The following CLSTN2 variants were observed in gnomAD, a reference collection of about 807,000 sequenced individuals.
The protein encoded by CLSTN2 is calsyntenin-2.
Under a neutral mutation model 101.2 loss-of-function variants are expected in CLSTN2, and 48 were observed. The ratio of observed to expected loss-of-function variants is 0.47; its 90% CI spans 0.38 to 0.60. CLSTN2 has a LOEUF of 0.60. Ranked by LOEUF, CLSTN2 falls within the 20% of genes least tolerant of loss-of-function variation. The pLI is 0.00. For synonymous variants in CLSTN2, 481 were observed against 463.6 expected, an observed-to-expected ratio of 1.04 and a Z score of -0.48; for missense variants, 1,160 against 1,238.2, an observed-to-expected ratio of 0.94 and a Z score of 0.95.
chr3:140,514,507 C>T (rs781360735), intron 8 of CLSTN2, among the ~76,000 whole-genome samples: 5 of 152,130 alleles, frequency 3.3e-5, no homozygotes, highest in Non-Finnish European at 7.4e-5. Flanking sequence ...ACATATACTA[C>T]AATTTCTTTA....
intron 8 of CLSTN2, among the ~76,000 whole-genome samples, chr3:140,482,276 C>G (rs1435358833): frequency 6.6e-6 from 1 of 152,158 alleles, no homozygotes; most frequent in Non-Finnish European, 1.5e-5. Context: ...GTTGATCCAG[C>G]CTTGCATCCC....
intron 1 of CLSTN2, among the ~76,000 whole-genome samples, chr3:140,002,180 C>T (rs1348223647): frequency 6.6e-6 from 1 of 152,128 alleles, no homozygotes; most frequent in Non-Finnish European, 1.5e-5. Context: ...ATTTACATTC[C>T]CACCAACAGT....
At chr3:140,330,850 C>T (rs188692605) in intron 2 of CLSTN2, among the ~76,000 whole-genome samples, 11 of 152,266 alleles carry the variant, frequency 7.2e-5, no homozygotes, top group East Asian at 5.8e-4. Flanking sequence ...GGGCATTGTT[C>T]GTAGGCATCT....
intron 2 of CLSTN2, among the ~76,000 whole-genome samples, chr3:140,401,070 CT>C (rs559071731): frequency 1.9e-3 from 297 of 152,334 alleles, no homozygotes; most frequent in African/African-American, 6.5e-3. Context: ...AGCGCTGGGT[CT>C]ATTTTTGTTT....
chr3:139,967,493 T>C (rs1361718358), intron 1 of CLSTN2, among the ~76,000 whole-genome samples: 1 of 152,186 alleles, frequency 6.6e-6, no homozygotes, highest in Non-Finnish European at 1.5e-5. Context: ...TGGTCATGGC[T>C]GTCACCTATG....
chr3:140,074,614 C>A (rs1411889551), intron 1 of CLSTN2, among the ~76,000 whole-genome samples: 1 of 152,172 alleles, frequency 6.6e-6, no homozygotes, highest in African/African-American at 2.4e-5. Context: ...ATGTTCATGA[C>A]AACCTTTAAG....
At chr3:140,192,300 G>A (rs1043016161) in intron 2 of CLSTN2, among the ~76,000 whole-genome samples, 5 of 151,560 alleles carry the variant, frequency 3.3e-5, no homozygotes, top group African/African-American at 9.7e-5. Context: ...CTTTTGTTCG[G>A]GTCTATAAAC....
intron 6 of CLSTN2, among the ~76,000 whole-genome samples, chr3:140,451,104 G>C (rs1933237236): frequency 6.6e-6 from 1 of 152,106 alleles, no homozygotes; most frequent in Non-Finnish European, 1.5e-5. Flanking sequence ...TGAATTATAA[G>C]TCAACGGAAC....
intron 1 of CLSTN2, among the ~76,000 whole-genome samples, chr3:140,173,282 A>G (rs998529803): frequency 2.0e-5 from 3 of 152,188 alleles, no homozygotes; most frequent in Non-Finnish European, 4.4e-5. Context: ...TAAAGCTCCA[A>G]TATGATCTCT....
At chr3:140,117,919 A>G (rs2009273421) in intron 1 of CLSTN2, among the ~76,000 whole-genome samples, 1 of 152,214 alleles carries the variant, frequency 6.6e-6, no homozygotes, top group African/African-American at 2.4e-5. Context: ...CTGCTGCTAA[A>G]TGCCTCCTTC....
intron 2 of CLSTN2, among the ~76,000 whole-genome samples, chr3:140,263,145 CAG>C (rs1390678295): frequency 1.3e-5 from 2 of 151,264 alleles, no homozygotes; most frequent in African/African-American, 2.4e-5. Flanking sequence ...CTGGCTTAGT[CAG>C]AGGAAGAAAA....
intron 1 of CLSTN2, among the ~76,000 whole-genome samples, chr3:140,001,753 C>A (rs1315662263): frequency 6.6e-5 from 10 of 151,484 alleles, no homozygotes; most frequent in African/African-American, 2.4e-4. Context: ...ACCATCCGTA[C>A]CTCCTTCCCC....
chr3:140,426,053 C>T (rs552394014), intron 5 of CLSTN2, among the ~76,000 whole-genome samples: 9 of 152,268 alleles, frequency 5.9e-5, no homozygotes, highest in East Asian at 5.8e-4. Flanking sequence ...TGCAGCAGGT[C>T]GCATGCTAAT....
rs143485655 is a variant in CLSTN2, at chr3:140,106,125, T to TG, written c.110-69826_110-69825insG. ...TCTTTAAAGAACTGGTCTTTGTTCT[T>TG]CTCCTTCTTTTTTACAAACAATCCA... On this transcript the variant is annotated intron_variant, in intron 1 of 16. Coordinates refer to ENST00000458420, the MANE Select transcript of CLSTN2 (RefSeq NM_022131.3). 4.7e-3 allele frequency among the ~76,000 whole-genome samples: 718 copies of TG among 152,218 alleles called. 17 individuals are homozygous for TG. The highest frequency in any genetic ancestry group is 0.031 in the East Asian group (162 of 5,176).
intron 8 of CLSTN2, among the ~76,000 whole-genome samples, chr3:140,522,024 T>C (rs1034949844): frequency 6.6e-6 from 1 of 152,192 alleles, no homozygotes; most frequent in African/African-American, 2.4e-5. Context: ...CACACCTCTG[T>C]GAGTCAGACC....
chr3:140,409,054 C>T (rs1350407853), intron 4 of CLSTN2, among the ~76,000 whole-genome samples: 8 of 152,278 alleles, frequency 5.3e-5, no homozygotes, highest in Non-Finnish European at 1.0e-4. Flanking sequence ...ATCCCCATAG[C>T]TGCACATGCA....
At chr3:140,400,949 C>T (rs562649683) in intron 2 of CLSTN2, among the ~76,000 whole-genome samples, 66 of 152,360 alleles carry the variant, frequency 4.3e-4, no homozygotes, top group African/African-American at 1.5e-3. Context: ...ATACTTTTAG[C>T]ACACATAGCT....
At chr3:140,201,847 T>C (rs2010721521) in intron 2 of CLSTN2, among the ~76,000 whole-genome samples, 1 of 151,820 alleles carries the variant, frequency 6.6e-6, no homozygotes, top group Admixed American at 6.6e-5. Flanking sequence ...TATATAATGA[T>C]ATATAATAAG....
rs778810605 is a variant in CLSTN2 at position 140,481,744 on chromosome 3, CTGTT to C, written c.1344+15017_1344+15020del. On this transcript the variant is annotated intron_variant, in intron 8 of 16. Coordinates refer to ENST00000458420, the MANE Select transcript of CLSTN2 (RefSeq NM_022131.3). ...GGGAGTTCACTCATTATTTGGCTCTCTGTTTGTCTGTTATTGGTGTATAAGAATG... is the reference window on the plus strand; with the variant it reads ...GGGAGTTCACTCATTATTTGGCTCTCTGTCTGTTATTGGTGTATAAGAATG... Among the ~76,000 whole-genome samples the C allele has an allele frequency of 2.2e-3, 328 of 152,242 alleles. 1 individual carries two copies. Among genetic ancestry groups the C allele is most frequent in the Non-Finnish European group, 4.2e-3 (286 of 68,004 alleles).
Sources: gnomAD v4.1 joint callset for allele counts (sites outside exome capture counted in the v4.1 genomes callset) on GRCh38, gnomAD v4.1.1 for gene constraint, MANE v1.5 for transcripts, NCBI Gene and HGNC (gene_info 2026-07-23, HGNC 2026-07-21) for gene names.